L3MBTL3: variants seen among roughly 807,000 people sequenced by gnomAD.
L3MBTL3 encodes the protein L3MBTL histone methyl-lysine binding protein 3.
In L3MBTL3, 27 loss-of-function variants were observed where a neutral mutation model predicts 102.3. That is an observed-to-expected ratio of 0.26 (90% CI 0.19 to 0.36). The LOEUF is 0.36. Among genes scored for constraint, L3MBTL3 ranks in the 10% least tolerant of loss-of-function variants. L3MBTL3 has a pLI of 1.00. For synonymous variants in L3MBTL3, 340 were observed against 320.9 expected, an observed-to-expected ratio of 1.06 and a Z score of -0.64; for missense variants, 798 against 955.3, an observed-to-expected ratio of 0.84 and a Z score of 2.17.
Position 130,060,086 on chromosome 6 carries a change from A to G in L3MBTL3, c.810A>G (p.Leu270=). 1 of 1,613,768 alleles carries G rather than the reference A, an allele frequency of 6.2e-7. No individual in the cohort carries two copies. The change falls in exon 10 of 23, where the codon TTA becomes TTG. Residue 270 remains leucine (L), a synonymous_variant. Coordinates refer to ENST00000361794, the MANE Select transcript of L3MBTL3 (RefSeq NM_032438.4). The stretch of plus-strand genomic sequence containing the variant: ...ATGGATTCAAAGTTGGCATGAAATT[A>G]GAAGGCGTGGATCCTGAGCATCAGT... ...NKNGFKVGMK[L]EGVDPEHQSV...
rs768836449 is a variant in L3MBTL3 at position 130,066,469 on chromosome 6, C to G, written c.981C>G (p.His327Gln). The G allele has an allele frequency of 6.2e-7, 1 of 1,610,382 alleles. No individual in the cohort carries two copies. Among genetic ancestry groups the G allele is most frequent in the Non-Finnish European group, 8.5e-7 (1 of 1,178,688 alleles). The change falls in exon 11 of 23, where the codon CAC (histidine) becomes CAG (glutamine). Residue 327 changes from histidine to glutamine, a missense_variant. His to Gln is a conservative substitution (Grantham distance 24, BLOSUM62 0). Coordinates refer to ENST00000361794, the MANE Select transcript of L3MBTL3 (RefSeq NM_032438.4). ...HPVGWCEKTG[H>Q]KLHPPKGYKE... ...TTGGGTGGTGTGAGAAAACCGGCCA[C>G]AAACTCCATCCTCCAAAAGGTTTTG... is the stretch of plus-strand genomic sequence containing the variant.
intron 19 of L3MBTL3, among the ~76,000 whole-genome samples, chr6:130,116,957 ATTTATTTATTTATTTT>A (rs1235093039): frequency 6.0e-5 from 8 of 132,646 alleles, no homozygotes; most frequent in African/African-American, 2.3e-4. Context: ...TTTTTTATTT[ATTTATTTATTTATTTT>A]TTTATTTTTT....
chr6:130,054,462 G>A (rs756373729), intron 7 of L3MBTL3, among the ~76,000 whole-genome samples: 24 of 152,196 alleles, frequency 1.6e-4, no homozygotes, highest in Non-Finnish European at 2.8e-4. Flanking sequence ...AGTAGACAAC[G>A]TAAGAAGGCT....
intron 19 of L3MBTL3, among the ~76,000 whole-genome samples, chr6:130,118,375 T>G (rs908944933): frequency 6.6e-6 from 1 of 152,184 alleles, no homozygotes; most frequent in Non-Finnish European, 1.5e-5. Context: ...TCTTAAGAAG[T>G]GAACTTTTCT....
rs749749526 is a variant in L3MBTL3 at position 130,060,143 on chromosome 6, A to G, written c.864+3A>G. On this transcript the variant is annotated splice_donor_region_variant and intron_variant, in intron 10 of 22. Transcript: ENST00000361794. ...ACTGTGTCCTCACCGTCGCGGAGGTAAGCTTTGCCTCGTCCTTTATTTTTA... is the reference window on the plus strand; with the variant it reads ...ACTGTGTCCTCACCGTCGCGGAGGTGAGCTTTGCCTCGTCCTTTATTTTTA... 8 of 1,550,808 alleles carry G rather than the reference A, an allele frequency of 5.2e-6. No homozygotes were observed. The South Asian group carries it at 9.3e-5, about 18-fold the overall frequency.
chr6:130,100,029 A>C (rs1050546848), intron 18 of L3MBTL3, among the ~76,000 whole-genome samples: 2 of 152,214 alleles, frequency 1.3e-5, no homozygotes, highest in Non-Finnish European at 1.5e-5. Context: ...GTGCAAGGGT[A>C]CTATTCACCC....
At chr6:130,117,788 C>T (rs1785818982) in intron 19 of L3MBTL3, among the ~76,000 whole-genome samples, 1 of 151,844 alleles carries the variant, frequency 6.6e-6, no homozygotes, top group South Asian at 2.1e-4. Flanking sequence ...CAGCTTTGTC[C>T]TCCAAGGCTA....
At chr6:130,111,947 C>A (rs1345053454) in intron 19 of L3MBTL3, among the ~76,000 whole-genome samples, 1 of 152,226 alleles carries the variant, frequency 6.6e-6, no homozygotes, top group Non-Finnish European at 1.5e-5. Flanking sequence ...TGCCTAACTC[C>A]TGCTTTGTCT....
chr6:130,088,946 G>T (rs1433360079), intron 16 of L3MBTL3, among the ~76,000 whole-genome samples: 2 of 151,872 alleles, frequency 1.3e-5, no homozygotes, highest in African/African-American at 2.4e-5. Context: ...ATTTTTTTGG[G>T]AGTCAGTAAT....
intron 14 of L3MBTL3, among the ~76,000 whole-genome samples, chr6:130,079,783 T>TA (rs1248289602): frequency 6.6e-6 from 1 of 152,174 alleles, no homozygotes; most frequent in African/African-American, 2.4e-5. Flanking sequence ...GTGTCTCACT[T>TA]AGAGTGTCTG....
intron 22 of L3MBTL3, among the ~76,000 whole-genome samples, chr6:130,136,172 G>A (rs1164527007): frequency 6.6e-6 from 1 of 152,110 alleles, no homozygotes; most frequent in Non-Finnish European, 1.5e-5. Context: ...TCCTGCTTCT[G>A]TTTTTGCTCC....
chr6:130,022,640 TAA>T (rs920047566), intron 2 of L3MBTL3, among the ~76,000 whole-genome samples: 2 of 152,246 alleles, frequency 1.3e-5, no homozygotes, highest in African/African-American at 2.4e-5. Flanking sequence ...TAAATTAATA[TAA>T]GTGTTACATT....
At chr6:130,082,648 G>A (rs890955508) in intron 14 of L3MBTL3, among the ~76,000 whole-genome samples, 1 of 152,100 alleles carries the variant, frequency 6.6e-6, no homozygotes, top group African/African-American at 2.4e-5. Context: ...CCCATCTAGA[G>A]TCACCCATTT....
At position 130,070,903 on chromosome 6, in the gene L3MBTL3, G is replaced by T. The variant is rs140802007; in HGVS notation, c.1093-73G>T. The stretch of plus-strand genomic sequence containing the variant: ...TGGATGCTGGGCCTTTGAGCAGGAG[G>T]TGCAGAGAGTGTGCAGTTCTTGTGG... On this transcript the variant is annotated intron_variant, in intron 12 of 22. Transcript: ENST00000361794. 993 of 1,200,016 alleles carry T rather than the reference G, an allele frequency of 8.3e-4. 13 individuals are homozygous for T. The East Asian group carries it at 0.02, about 24-fold the overall frequency. 74.3% of individuals were successfully genotyped at this position (1,200,016 alleles called of 1,614,324 possible).
chr6:130,121,870 A>T (rs1786238939), intron 20 of L3MBTL3, among the ~76,000 whole-genome samples: 1 of 152,114 alleles, frequency 6.6e-6, no homozygotes. Context: ...ACACGGTGAA[A>T]CCCCATCTCT....
chr6:130,038,181 A>G (rs1780179428), intron 2 of L3MBTL3, among the ~76,000 whole-genome samples: 1 of 152,062 alleles, frequency 6.6e-6, no homozygotes, highest in African/African-American at 2.4e-5. Flanking sequence ...ACTCATGGAC[A>G]CTTAGGTTGA....
chr6:130,028,732 T>C (rs1255637690), intron 2 of L3MBTL3, among the ~76,000 whole-genome samples: 1 of 152,246 alleles, frequency 6.6e-6, no homozygotes, highest in Non-Finnish European at 1.5e-5. Flanking sequence ...TGTTGAGAGA[T>C]GCTTCAAGTG....
At chr6:130,072,931 C>T (rs1782728831) in intron 13 of L3MBTL3, among the ~76,000 whole-genome samples, 1 of 152,024 alleles carries the variant, frequency 6.6e-6, no homozygotes, top group Non-Finnish European at 1.5e-5. Flanking sequence ...GATACCTATT[C>T]CTCTCCTTTC....
Position 130,133,710 on chromosome 6 carries a change from C to CTT in L3MBTL3, c.2136+97_2136+98dup. On this transcript the variant is annotated intron_variant, in intron 21 of 22. Transcript: ENST00000361794. This position sits in a 1 kb window ranked among gnomAD's most constrained non-coding sequence, Gnocchi z 4.9. ...ACATTGAGCGTAGGTAGCGTTTAGT[C>CTT]TTTTTTTTTCTGAAAGAGAAGAAAT... 3 of 1,485,188 alleles carry CTT rather than the reference C, an allele frequency of 2.0e-6. No individual in the cohort carries two copies. The highest frequency in any genetic ancestry group is 2.8e-6 in the Non-Finnish European group (3 of 1,087,124). The allele number at this position is 1,485,188 out of a possible 1,614,324, so 92.0% of individuals were successfully genotyped here. A position where few individuals can be genotyped will look rare whatever the true frequency, so the allele number is the denominator to read the frequency against.
Sources: gnomAD v4.1 joint callset for allele counts (sites outside exome capture counted in the v4.1 genomes callset) on GRCh38, gnomAD v4.1.1 for gene constraint, Gnocchi (gnomAD v3.1) non-coding constraint, MANE v1.5 for transcripts, NCBI Gene and HGNC (gene_info 2026-07-23, HGNC 2026-07-21) for gene names.